TCERG1L: variants seen among roughly 807,000 people sequenced by gnomAD.
TCERG1L encodes transcription elongation regulator 1-like protein.
In TCERG1L, 37 loss-of-function variants were observed where a neutral mutation model predicts 56.3. The ratio of observed to expected loss-of-function variants is 0.66; its 90% CI spans 0.51 to 0.87. TCERG1L has a LOEUF of 0.87. TCERG1L is among the 40% of genes least tolerant of loss of function. TCERG1L has a pLI of 0.00. For missense variants in TCERG1L, 799 were observed against 774.2 expected (o/e 1.03, Z -0.38); for synonymous variants, 324 against 326.3 (o/e 0.99, Z 0.08).
At chr10:131,124,899 G>T (rs1275529596) in intron 8 of TCERG1L, among the ~76,000 whole-genome samples, 3 of 152,154 alleles carry the variant, frequency 2.0e-5, no homozygotes, top group Non-Finnish European at 4.4e-5. Flanking sequence ...CTAGAAAGTG[G>T]AAATAATAAT....
At position 131,097,575 on chromosome 10, in the gene TCERG1L, C is replaced by T. The variant is rs371233934; in HGVS notation, c.1604+731G>A. On this transcript the variant is annotated intron_variant, in intron 11 of 11. Transcript: ENST00000368642. ...TGTTAGCCAGGATGGTCTCGATCTCCTGACCTCGTGATCCACCTGCCTTGG... is the reference window on the plus strand; with the variant it reads ...TGTTAGCCAGGATGGTCTCGATCTCTTGACCTCGTGATCCACCTGCCTTGG... 4.6e-4 allele frequency among the ~76,000 whole-genome samples: 70 copies of T among 152,280 alleles called. No homozygotes were observed. The South Asian group carries it at 0.014, about 31-fold the overall frequency.
intron 4 of TCERG1L, among the ~76,000 whole-genome samples, chr10:131,224,444 C>T (rs1253931492): frequency 2.0e-5 from 3 of 152,172 alleles, no homozygotes; most frequent in Non-Finnish European, 4.4e-5. Context: ...TAGCTTTGTA[C>T]GCTTCCCTTC....
At chr10:131,303,851 C>T (rs1260621569) in intron 3 of TCERG1L, among the ~76,000 whole-genome samples, 1 of 152,058 alleles carries the variant, frequency 6.6e-6, no homozygotes, top group African/African-American at 2.4e-5. Context: ...TTATCTTTTA[C>T]TGCTTTTCTA....
At chr10:131,149,250 TG>T (rs1319789971) in intron 6 of TCERG1L, among the ~76,000 whole-genome samples, 4 of 151,256 alleles carry the variant, frequency 2.6e-5, no homozygotes, top group Non-Finnish European at 5.9e-5. Context: ...CATGGGCCCG[TG>T]GGGTGCTGCC....
intron 3 of TCERG1L, among the ~76,000 whole-genome samples, chr10:131,284,466 T>C (rs1846497864): frequency 6.6e-6 from 1 of 151,636 alleles, no homozygotes. Flanking sequence ...ACATAATTAA[T>C]GTGCAAATAT....
rs575593785 is a variant in TCERG1L at position 131,280,953 on chromosome 10, C to A, written c.671-20509G>T. Among the ~76,000 whole-genome samples, 4 of 152,104 alleles carry A rather than the reference C, an allele frequency of 2.6e-5. 1 individual carries two copies. The highest frequency in any genetic ancestry group is 2.6e-4 in the Admixed American group (4 of 15,272). ...GAACCTGATCAAGCCTGTGGCCGCA[C>A]CTTCCCCCTCTGACTCAATATTCAT... is the stretch of plus-strand genomic sequence containing the variant. On this transcript the variant is annotated intron_variant, in intron 3 of 11. Transcript: ENST00000368642.
rs1025750449 is a variant in TCERG1L at position 131,169,201 on chromosome 10, C to T, written c.857-2316G>A. Among the ~76,000 whole-genome samples the T allele has an allele frequency of 2.0e-5, 3 of 152,292 alleles. No individual in the cohort carries two copies. In the South Asian group the frequency reaches 6.2e-4, roughly 32 times the overall value. On this transcript the variant is annotated intron_variant, in intron 4 of 11. Transcript: ENST00000368642. ...CAGGGTCGTCCTGTCCCCACCCCAT[C>T]TCTGCCTCCTCATCTACAAGATGGG...
intron 4 of TCERG1L, among the ~76,000 whole-genome samples, chr10:131,225,733 A>G (rs576244284): frequency 4.7e-5 from 7 of 150,096 alleles, no homozygotes; most frequent in African/African-American, 1.7e-4. Flanking sequence ...GGCACCCCCA[A>G]TGTGACCCCC....
At chr10:131,196,598 T>C (rs560456306) in intron 4 of TCERG1L, among the ~76,000 whole-genome samples, 188 of 152,276 alleles carry the variant, frequency 1.2e-3, no homozygotes, top group African/African-American at 4.4e-3. Context: ...TGGACTTTCA[T>C]GGGGAAAGAC....
intron 1 of TCERG1L, among the ~76,000 whole-genome samples, chr10:131,310,196 A>G (rs1846869936): frequency 6.6e-6 from 1 of 152,212 alleles, no homozygotes; most frequent in Non-Finnish European, 1.5e-5. Flanking sequence ...GCAGTTTTTT[A>G]AAGCAGAATT....
intron 8 of TCERG1L, among the ~76,000 whole-genome samples, chr10:131,126,199 C>T (rs918435123): frequency 1.5e-4 from 23 of 152,230 alleles, no homozygotes; most frequent in African/African-American, 5.5e-4. Flanking sequence ...GGCTGGACAG[C>T]TCACTCCCAG....
intron 4 of TCERG1L, among the ~76,000 whole-genome samples, chr10:131,215,974 C>A (rs78479389): frequency 0.015 from 2,322 of 152,284 alleles, 60 homozygotes; most frequent in African/African-American, 0.052. Flanking sequence ...GGGGCGGCCA[C>A]AGCTGAGCCA....
chr10:131,114,898 C>T (rs1200574296), intron 9 of TCERG1L, among the ~76,000 whole-genome samples: 2 of 152,232 alleles, frequency 1.3e-5, no homozygotes, highest in African/African-American at 4.8e-5. Flanking sequence ...CCCGATAATC[C>T]AACCAGGCCA....
chr10:131,162,612 C>T (rs1158559781), intron 6 of TCERG1L: 1 of 152,372 alleles, frequency 6.6e-6, no homozygotes. Flanking sequence ...ACTGTAATAA[C>T]CTTTTATTCT....
chr10:131,207,348 C>A (rs866936593), intron 4 of TCERG1L, among the ~76,000 whole-genome samples: 1 of 152,226 alleles, frequency 6.6e-6, no homozygotes, highest in African/African-American at 2.4e-5. Flanking sequence ...GGTGGACAGG[C>A]GTCTTGCTGC....
intron 3 of TCERG1L, among the ~76,000 whole-genome samples, chr10:131,266,898 T>C (rs1287978472): frequency 6.6e-6 from 1 of 152,118 alleles, no homozygotes; most frequent in Non-Finnish European, 1.5e-5. Flanking sequence ...GCTGAGTCTT[T>C]TATGGCTTTT....
chr10:131,108,774 G>A (rs534288583), intron 9 of TCERG1L, among the ~76,000 whole-genome samples: 56 of 152,330 alleles, frequency 3.7e-4, no homozygotes, highest in African/African-American at 1.3e-3. Flanking sequence ...CTCGCGTCTG[G>A]TGCTTGGGGT....
At chr10:131,115,822 C>T (rs1459841264) in intron 9 of TCERG1L, among the ~76,000 whole-genome samples, 1 of 152,200 alleles carries the variant, frequency 6.6e-6, no homozygotes, top group Non-Finnish European at 1.5e-5. Flanking sequence ...CCCAGGACAG[C>T]ACCTCAGCCC....
chr10:131,178,699 CA>C (rs1458857364), intron 4 of TCERG1L, among the ~76,000 whole-genome samples: 1 of 152,102 alleles, frequency 6.6e-6, no homozygotes, highest in East Asian at 1.9e-4. Flanking sequence ...AGTTCAGGGC[CA>C]TCGCTCGCCC....
Sources: gnomAD v4.1 joint callset for allele counts (sites outside exome capture counted in the v4.1 genomes callset) on GRCh38, gnomAD v4.1.1 for gene constraint, MANE v1.5 for transcripts, NCBI Gene and HGNC (gene_info 2026-07-23, HGNC 2026-07-21) for gene names.